Variants in MIB1 observed in about 807,000 individuals in gnomAD.
MIB1 encodes the protein MIB E3 ubiquitin protein ligase 1, also known as E3 ubiquitin-protein ligase MIB1.
In MIB1, 278 loss-of-function variants were observed where a neutral mutation model predicts 124.5. The ratio of observed to expected loss-of-function variants is 2.23; its 90% CI spans 2.02 to 2.47. The LOEUF (loss-of-function observed/expected upper bound fraction) is 2.47. MIB1 is among the 30% of genes most tolerant of loss of function. The pLI is 0.00. For synonymous variants in MIB1, 446 were observed against 429.4 expected, an observed-to-expected ratio of 1.04 and a Z score of -0.48; for missense variants, 957 against 1,254.4, an observed-to-expected ratio of 0.76 and a Z score of 3.58.
At chr18:21,846,914 G>A (rs1341201140) in intron 15 of MIB1, 30 bp from the exon 16 acceptor site, 2 of 1,602,780 alleles carry the variant, frequency 1.2e-6, no homozygotes, top group Non-Finnish European at 1.7e-6. Flanking sequence ...ATTCCTAGAG[G>A]GAAAATCATG....
chr18:21,847,094 GCACTGGCAAAGTGTCA>G lies in MIB1; in HGVS notation c.2363_2378del (p.Ala788ValfsTer16). On this transcript the variant is annotated frameshift_variant, in exon 16 of 21. Transcript: ENST00000261537. LOFTEE classifies it high-confidence loss of function. Reference sequence around the variant, plus strand: ...CTGTCCTGATCCGAATCTCTGCAAAGCACTGGCAAAGTGTCATAAGGAAAAAGTCAGGTTTGTATTA... The same window carrying G: ...CTGTCCTGATCCGAATCTCTGCAAAGTAAGGAAAAAGTCAGGTTTGTATTA... 6.2e-7 allele frequency: 1 copy of G among 1,614,104 alleles called. No individual in the cohort carries two copies. Among genetic ancestry groups the G allele is most frequent in the Non-Finnish European group, 8.5e-7 (1 of 1,179,990 alleles).
At chr18:21,755,334 CTTT>C (rs33999789) in intron 1 of MIB1, among the ~76,000 whole-genome samples, 2 of 139,772 alleles carry the variant, frequency 1.4e-5, no homozygotes, top group Non-Finnish European at 3.1e-5. Flanking sequence ...AAACAACTGG[CTTT>C]TTTTTTTTTT....
chr18:21,854,502 TGATTATAATTATTAGTTGTTCACACA>T (rs1275517427), intron 18 of MIB1: 1 of 153,788 alleles, frequency 6.5e-6, no homozygotes, highest in East Asian at 1.9e-4. Flanking sequence ...ACTTGAAAGA[TGATTATAATTATTAGTTGTTCACACA>T]GATTCTAGAG....
chr18:21,835,801 CCACACACACACACACACA>C (rs774725850), intron 12 of MIB1, among the ~76,000 whole-genome samples: 1 of 101,586 alleles, frequency 9.8e-6, no homozygotes, highest in African/African-American at 3.9e-5. Context: ...ATATATATAT[CCACACACACACACACACA>C]CACACACACA....
intron 13 of MIB1, among the ~76,000 whole-genome samples, chr18:21,840,118 A>G (rs2042069578): frequency 6.6e-6 from 1 of 152,230 alleles, no homozygotes; most frequent in Non-Finnish European, 1.5e-5. Flanking sequence ...GCTAGTATAT[A>G]TAAATACAAT....
chr18:21,784,960 C>A (rs2041417413), intron 6 of MIB1, among the ~76,000 whole-genome samples: 1 of 152,192 alleles, frequency 6.6e-6, no homozygotes, highest in African/African-American at 2.4e-5. Flanking sequence ...GTTCCTGGTC[C>A]ACTTTCATGT....
chr18:21,763,737 G>C (rs1422500722), intron 1 of MIB1, among the ~76,000 whole-genome samples: 1 of 151,826 alleles, frequency 6.6e-6, no homozygotes, highest in Admixed American at 6.6e-5. Flanking sequence ...TTTGTCTCCT[G>C]ACCCATAGCT....
At chr18:21,781,407 AT>A (rs2041365145) in intron 6 of MIB1, among the ~76,000 whole-genome samples, 1 of 82,096 alleles carries the variant, frequency 1.2e-5, no homozygotes, top group African/African-American at 5.4e-5. Flanking sequence ...ATATATATAT[AT>A]ATATATAAAA....
chr18:21,775,356 C>T (rs1228370808), intron 4 of MIB1, among the ~76,000 whole-genome samples: 1 of 152,170 alleles, frequency 6.6e-6, no homozygotes, highest in Non-Finnish European at 1.5e-5. Context: ...CCTCCCACCT[C>T]AACCTCTGGA....
At chr18:21,809,145 A>C (rs1397514173) in intron 10 of MIB1, among the ~76,000 whole-genome samples, 1 of 152,140 alleles carries the variant, frequency 6.6e-6, no homozygotes, top group Non-Finnish European at 1.5e-5. Context: ...ACAATATGCC[A>C]ACAAATTGGA....
At chr18:21,736,048 A>C (rs547146545), upstream of MIB1, among the ~76,000 whole-genome samples, 11 of 152,348 alleles carry the variant, frequency 7.2e-5, no homozygotes, top group African/African-American at 2.2e-4. Context: ...CTGCTTCCTC[A>C]AGTGGGTCCT....
rs1214221833 is a variant in MIB1, at chr18:21,870,899, ATATT to A, written c.*6235_*6238del. The A allele has an allele frequency of 1.3e-5, 2 of 152,160 alleles. No individual in the cohort carries two copies. Among genetic ancestry groups the A allele is most frequent in the Non-Finnish European group, 2.9e-5 (2 of 68,028 alleles). The allele number at this position is 152,160 out of a possible 1,614,324, so 9.4% of individuals were successfully genotyped here. A position where few individuals can be genotyped will look rare whatever the true frequency, so the allele number is the denominator to read the frequency against. On this transcript the variant is annotated 3_prime_UTR_variant, in exon 21 of 21. Coordinates refer to ENST00000261537, the MANE Select transcript of MIB1 (RefSeq NM_020774.4). Reference sequence around the variant, plus strand: ...CTGTATAGTTAGAAATTTCATGGCAATATTTTTTACTAAATTGAAACTATAGGTT... The same window carrying A: ...CTGTATAGTTAGAAATTTCATGGCAATTTTACTAAATTGAAACTATAGGTT...
intron 8 of MIB1, among the ~76,000 whole-genome samples, chr18:21,799,380 A>C (rs1004623205): frequency 2.6e-5 from 4 of 151,988 alleles, no homozygotes; most frequent in African/African-American, 9.7e-5. Context: ...TTGACCCTAA[A>C]CTATGTCCCC....
chr18:21,718,339 A>G (rs2040698940), intron 1 of MIB1, among the ~76,000 whole-genome samples: 1 of 152,206 alleles, frequency 6.6e-6, no homozygotes, highest in Admixed American at 6.5e-5. Context: ...ATCACCCCTA[A>G]AGAACTTACT....
At chr18:21,813,224 CAG>C (rs2041794287) in intron 10 of MIB1, among the ~76,000 whole-genome samples, 1 of 132,046 alleles carries the variant, frequency 7.6e-6, no homozygotes, top group South Asian at 2.4e-4. Flanking sequence ...AAAACTGTAA[CAG>C]AAAAAAAAAA....
At chr18:21,706,922 T>C (rs1202699297) in intron 1 of MIB1, among the ~76,000 whole-genome samples, 2 of 152,222 alleles carry the variant, frequency 1.3e-5, no homozygotes, top group African/African-American at 4.8e-5. Flanking sequence ...GGGGCAGTAC[T>C]GGTGGGCAGC....
chr18:21,834,795 G>A (rs1209074886), intron 12 of MIB1, among the ~76,000 whole-genome samples: 1 of 152,146 alleles, frequency 6.6e-6, no homozygotes, highest in African/African-American at 2.4e-5. Flanking sequence ...TAAATGTAAA[G>A]GGGTATTCTG....
intron 12 of MIB1, among the ~76,000 whole-genome samples, chr18:21,835,801 C>CTCCACACACACA (rs1555695315): frequency 2.0e-5 from 2 of 101,586 alleles, no homozygotes; most frequent in Non-Finnish European, 3.7e-5. Context: ...ATATATATAT[C>CTCCACACACACA]CACACACACA....
chr18:21,797,999 A>G, intron 7 of MIB1, 85 bp from the exon 8 acceptor site: 1 of 1,310,796 alleles, frequency 7.6e-7, no homozygotes, highest in Non-Finnish European at 1.1e-6. Flanking sequence ...AAGTAAAATC[A>G]TTACTTTAAG....
Sources: gnomAD v4.1 joint callset for allele counts (sites outside exome capture counted in the v4.1 genomes callset) on GRCh38, gnomAD v4.1.1 for gene constraint, MANE v1.5 for transcripts, NCBI Gene and HGNC (gene_info 2026-07-23, HGNC 2026-07-21) for gene names.